PKD2L2: variants seen among roughly 807,000 people sequenced by gnomAD.
PKD2L2 encodes the protein polycystin-2-like protein 2.
A neutral mutation model predicts 83.9 loss-of-function variants in PKD2L2; 67 were observed. The observed-to-expected ratio is 0.80, with a 90% CI of 0.66 to 0.98. PKD2L2 has a LOEUF of 0.98. Among genes scored for constraint, PKD2L2 ranks in the 50% least tolerant of loss-of-function variants. The pLI is 0.00. For synonymous variants in PKD2L2, 223 were observed against 237.8 expected (o/e 0.94, Z 0.57); for missense variants, 632 against 717.2 (o/e 0.88, Z 1.36).
At chr5:137,926,516 A>G (rs1377107073) in intron 12 of PKD2L2, among the ~76,000 whole-genome samples, 1 of 152,208 alleles carries the variant, frequency 6.6e-6, no homozygotes, top group Non-Finnish European at 1.5e-5. Flanking sequence ...ATACAAATGG[A>G]AAGGCTGAAG....
Position 137,890,369 on chromosome 5 carries a change from TG to T in PKD2L2, c.32-110del, listed in dbSNP as rs755753571. ...GAATTGAAAAATAGCCAGAAGCTAT[TG>T]GAGCTTTCCTCCCCGCAGTGTAAGG... On this transcript the variant is annotated intron_variant, in intron 1 of 14. Coordinates refer to ENST00000508883, the MANE Select transcript of PKD2L2 (RefSeq NM_001300921.2). 229 of 647,436 alleles carry T rather than the reference TG, an allele frequency of 3.5e-4. 1 individual carries two copies. Among genetic ancestry groups the T allele is most frequent in the Admixed American group, 7.6e-4 (25 of 32,770 alleles). 40.1% of individuals were successfully genotyped at this position (647,436 alleles called of 1,614,324 possible). A position where few individuals can be genotyped will look rare whatever the true frequency, so the allele number is the denominator to read the frequency against.
intron 12 of PKD2L2, among the ~76,000 whole-genome samples, chr5:137,929,008 A>G (rs1759614880): frequency 6.6e-6 from 1 of 152,232 alleles, no homozygotes; most frequent in Non-Finnish European, 1.5e-5. Flanking sequence ...GTTATGTCTT[A>G]CAAAAGACGT....
At chr5:137,910,695 C>T (rs1757759216) in intron 8 of PKD2L2, among the ~76,000 whole-genome samples, 2 of 151,184 alleles carry the variant, frequency 1.3e-5, no homozygotes, top group African/African-American at 4.9e-5. Context: ...CAGGAGAATC[C>T]TTTAACCCGA....
chr5:137,929,525 C>A (rs1238424352), intron 12 of PKD2L2, among the ~76,000 whole-genome samples: 29 of 3,418 alleles, frequency 8.5e-3, no homozygotes, highest in African/African-American at 0.011. Context: ...TTCTATAGGA[C>A]AAAATTGCCA....
intron 8 of PKD2L2, among the ~76,000 whole-genome samples, chr5:137,917,516 CTTCAAG>C (rs1362867969): frequency 6.6e-6 from 1 of 152,180 alleles, no homozygotes; most frequent in Non-Finnish European, 1.5e-5. Context: ...ATTATCCTAT[CTTCAAG>C]TTCATTGATT....
At chr5:137,920,871 A>C (rs1758834873) in intron 8 of PKD2L2, among the ~76,000 whole-genome samples, 1 of 152,216 alleles carries the variant, frequency 6.6e-6, no homozygotes, top group Non-Finnish European at 1.5e-5. Context: ...ATTTTATCAG[A>C]ATTTAAGAGT....
chr5:137,935,971 G>A (rs1561711943), intron 13 of PKD2L2, 62 bp downstream of exon 13: 29 of 908,038 alleles, frequency 3.2e-5, no homozygotes, highest in Middle Eastern at 2.2e-4. Context: ...AAGGACATGA[G>A]TTAAACACAT....
chr5:137,941,101 G>C (rs991939756), intron 14 of PKD2L2, among the ~76,000 whole-genome samples: 1 of 151,986 alleles, frequency 6.6e-6, no homozygotes, highest in Non-Finnish European at 1.5e-5. Flanking sequence ...GTAGAGACAG[G>C]GTTTCACTGT....
At chr5:137,941,254 C>T (rs1581029764) in intron 14 of PKD2L2, among the ~76,000 whole-genome samples, 4 of 152,140 alleles carry the variant, frequency 2.6e-5, no homozygotes, top group Admixed American at 2.6e-4. Context: ...ATATAGGAGA[C>T]TCACAAAGCA....
At chr5:137,900,655 C>T (rs1275117318) in intron 5 of PKD2L2, among the ~76,000 whole-genome samples, 1 of 152,104 alleles carries the variant, frequency 6.6e-6, no homozygotes, top group African/African-American at 2.4e-5. Context: ...TTGCAAAATA[C>T]CTTTTTATCT....
intron 8 of PKD2L2, 50 bp from the exon 9 acceptor site, chr5:137,921,586 C>A: frequency 1.7e-6 from 2 of 1,191,236 alleles, no homozygotes; most frequent in South Asian, 1.3e-5. Flanking sequence ...CATCAGTTGT[C>A]ATGTATGTAC....
In PKD2L2 at chr5:137,915,180, G is replaced by A. The variant is rs114489454; in HGVS notation, c.1328+6234G>A. ...TCCCTTCTCTTCCATTTTTGGAAGA[G>A]TTCGAAGATTGGCATTAATTCTCTT... On this transcript the variant is annotated intron_variant, in intron 8 of 14. Transcript: ENST00000508883. Among the ~76,000 whole-genome samples, 660 of 152,202 alleles carry A rather than the reference G, an allele frequency of 4.3e-3. 4 individuals are homozygous for A. Among genetic ancestry groups the A allele is most frequent in the African/African-American group, 0.015 (619 of 41,522 alleles).
At chr5:137,891,503 A>G (rs2149996724) in intron 2 of PKD2L2, among the ~76,000 whole-genome samples, 1 of 152,208 alleles carries the variant, frequency 6.6e-6, no homozygotes, top group Admixed American at 6.5e-5. Context: ...AGGCAACTTT[A>G]TAAATTAAGA....
intron 12 of PKD2L2, among the ~76,000 whole-genome samples, chr5:137,934,575 G>A (rs951195217): frequency 6.6e-6 from 1 of 152,140 alleles, no homozygotes; most frequent in African/African-American, 2.4e-5. Context: ...TTGGAAGGCC[G>A]ACGCAGGCGG....
At chr5:137,894,684 T>A in intron 4 of PKD2L2, 75 bp downstream of exon 4, 2 of 1,152,168 alleles carry the variant, frequency 1.7e-6, no homozygotes, top group Non-Finnish European at 2.5e-6. Flanking sequence ...GTCTTCCAAG[T>A]AACACCAGCT....
At position 137,934,624 on chromosome 5, in the gene PKD2L2, C is replaced by T. The variant is rs1349490983; in HGVS notation, c.1672-1173C>T. Among the ~76,000 whole-genome samples the T allele has an allele frequency of 2.0e-5, 3 of 152,150 alleles. No individual in the cohort carries two copies. In the East Asian group the frequency reaches 5.8e-4, roughly 29 times the overall value. ...GGGAGTTCAAGACCAGCCTGGCCAA[C>T]ATGGCGAAACCCGTCTCTACTAAAA... is the stretch of plus-strand genomic sequence containing the variant. On this transcript the variant is annotated intron_variant, in intron 12 of 14. Coordinates refer to ENST00000508883, the MANE Select transcript of PKD2L2 (RefSeq NM_001300921.2).
At chr5:137,909,880 T>C (rs1757673534) in intron 8 of PKD2L2, among the ~76,000 whole-genome samples, 2 of 152,124 alleles carry the variant, frequency 1.3e-5, no homozygotes, top group South Asian at 4.1e-4. Context: ...CATCTTAATA[T>C]TTTTATTGAT....
chr5:137,919,574 TC>T (rs3836897), intron 8 of PKD2L2, among the ~76,000 whole-genome samples: 17,490 of 151,734 alleles, frequency 0.12, 1,568 homozygotes, highest in East Asian at 0.36. Flanking sequence ...AAACAGAACC[TC>T]TTATTCTCCT....
intron 1 of PKD2L2, 116 bp downstream of exon 1, chr5:137,889,638 AG>A: frequency 1.3e-6 from 1 of 786,790 alleles, no homozygotes; most frequent in Admixed American, 3.9e-5. Context: ...CGACACCTTT[AG>A]CCCTCACAGC....
Sources: gnomAD v4.1 joint callset for allele counts (sites outside exome capture counted in the v4.1 genomes callset) on GRCh38, gnomAD v4.1.1 for gene constraint, MANE v1.5 for transcripts, NCBI Gene and HGNC (gene_info 2026-07-23, HGNC 2026-07-21) for gene names.